CSMD3: variants seen among roughly 807,000 people sequenced by gnomAD.
CSMD3 encodes CUB and Sushi multiple domains 3.
CSMD3 carries 177 observed loss-of-function variants against 435.2 expected under a neutral mutation model. That is an observed-to-expected ratio of 0.41 (90% CI 0.36 to 0.46). CSMD3 has a LOEUF of 0.46. CSMD3 is among the 20% of genes least tolerant of loss of function. The probability of loss-of-function intolerance (pLI) is 0.34; values close to 1 mark genes in which losing one functional copy is unlikely to be tolerated. For synonymous variants in CSMD3, 1,656 were observed against 1,520.5 expected (o/e 1.09, Z -2.07); for missense variants, 4,265 against 4,504.6 (o/e 0.95, Z 1.52).
intron 18 of CSMD3, 42 bp downstream of exon 18, chr8:112,656,112 G>T (rs2075251255): frequency 9.5e-7 from 1 of 1,057,644 alleles, no homozygotes. Context: ...AAAAAGTAGG[G>T]CAAACAGAAT....
chr8:112,400,799 C>A (rs2129915584), intron 35 of CSMD3, among the ~76,000 whole-genome samples: 1 of 152,202 alleles, frequency 6.6e-6, no homozygotes, highest in East Asian at 1.9e-4. Flanking sequence ...TTTTTGATGG[C>A]TAAAATGCTG....
intron 38 of CSMD3, among the ~76,000 whole-genome samples, chr8:112,353,979 T>C (rs1044975848): frequency 6.6e-6 from 1 of 152,138 alleles, no homozygotes; most frequent in Non-Finnish European, 1.5e-5. Context: ...TCCAGTAGCA[T>C]ATCAAAAAGT....
chr8:112,827,561 A>C (rs1009972030), intron 12 of CSMD3, among the ~76,000 whole-genome samples: 1 of 152,160 alleles, frequency 6.6e-6, no homozygotes, highest in East Asian at 1.9e-4. Context: ...ATGTGATAGG[A>C]TCTAACAAAC....
intron 45 of CSMD3, among the ~76,000 whole-genome samples, chr8:112,325,258 T>C (rs1045241472): frequency 5.9e-5 from 9 of 152,160 alleles, no homozygotes; most frequent in Admixed American, 3.3e-4. Context: ...GGTTGAGAGC[T>C]TAACATTTGA....
chr8:113,261,262 G>C (rs1012924114), intron 3 of CSMD3, among the ~76,000 whole-genome samples: 1 of 152,086 alleles, frequency 6.6e-6, no homozygotes, highest in South Asian at 2.1e-4. Context: ...TTTGGTTCCA[G>C]GTATCATCTC....
chr8:112,673,721 C>A (rs551885642), intron 16 of CSMD3, among the ~76,000 whole-genome samples: 1 of 152,040 alleles, frequency 6.6e-6, no homozygotes, highest in Non-Finnish European at 1.5e-5. Context: ...AGGGAAAGTT[C>A]ATCAGGCATG....
rs551959919 is a variant in CSMD3, at chr8:112,235,783, G to A, written c.10628-1306C>T. 3.4e-4 allele frequency among the ~76,000 whole-genome samples: 52 copies of A among 152,228 alleles called. 2 individuals are homozygous for A. The South Asian group carries it at 0.011, about 32-fold the overall frequency. On this transcript the variant is annotated intron_variant, in intron 67 of 70. Coordinates refer to ENST00000297405, the MANE Select transcript of CSMD3 (RefSeq NM_198123.2). ...TAATCAATAGGAGGAAGATATAAAA[G>A]TAATCGATAATATTGCTGAAAAATT...
chr8:112,460,187 T>A (rs1370508820), intron 32 of CSMD3, among the ~76,000 whole-genome samples: 2 of 152,116 alleles, frequency 1.3e-5, no homozygotes, highest in East Asian at 1.9e-4. Flanking sequence ...ATTGTTTACA[T>A]AACCTGAACA....
intron 41 of CSMD3, among the ~76,000 whole-genome samples, chr8:112,345,325 A>G (rs1304971038): frequency 2.0e-5 from 3 of 152,216 alleles, no homozygotes; most frequent in Non-Finnish European, 4.4e-5. Context: ...TGGACAAGAT[A>G]CGGAATCAAC....
Position 112,892,831 on chromosome 8 carries a change from G to T in CSMD3, c.1633+28796C>A, listed in dbSNP as rs2130346537. Among the ~76,000 whole-genome samples, 3 of 151,350 alleles carry T rather than the reference G, an allele frequency of 2.0e-5. 1 individual carries two copies. The South Asian group carries it at 6.2e-4, about 31-fold the overall frequency. The stretch of plus-strand genomic sequence containing the variant: ...TTTCTCTATTCCTAGTTCAGTATTT[G>T]TTTATTTTGTGTTGCCTACCTTAGA... On this transcript the variant is annotated intron_variant, in intron 10 of 70. Coordinates refer to ENST00000297405, the MANE Select transcript of CSMD3 (RefSeq NM_198123.2).
At chr8:112,685,879 A>G (rs2075999798) in intron 14 of CSMD3, 147 bp from the exon 15 acceptor site, 4 of 639,434 alleles carry the variant, frequency 6.3e-6, no homozygotes, top group Non-Finnish European at 1.1e-5. Flanking sequence ...CAAAACGGTT[A>G]CCATTTTTAC....
chr8:112,523,870 A>G, intron 27 of CSMD3, among the ~76,000 whole-genome samples: 1 of 152,116 alleles, frequency 6.6e-6, no homozygotes, highest in Non-Finnish European at 1.5e-5. Flanking sequence ...TGATATGGCA[A>G]GTCAGGTTAA....
At chr8:113,379,923 C>CTCTGCAAG (rs1368886155) in intron 1 of CSMD3, among the ~76,000 whole-genome samples, 2 of 152,162 alleles carry the variant, frequency 1.3e-5, no homozygotes, top group Non-Finnish European at 2.9e-5. Context: ...TATCTTACAG[C>CTCTGCAAG]TCTGCAAGTT....
chr8:112,967,976 A>G (rs2084487279), intron 7 of CSMD3, among the ~76,000 whole-genome samples: 1 of 151,930 alleles, frequency 6.6e-6, no homozygotes. Flanking sequence ...TAGTGAAGAG[A>G]GTAAGAATAG....
chr8:112,557,062 T>C (rs1229314841), intron 24 of CSMD3, 108 bp from the exon 25 acceptor site: 1 of 714,362 alleles, frequency 1.4e-6, no homozygotes, highest in African/African-American at 1.8e-5. Flanking sequence ...TACTTATTCT[T>C]AGTCATATTG....
At chr8:112,580,347 T>A (rs925374480) in intron 23 of CSMD3, among the ~76,000 whole-genome samples, 5 of 151,926 alleles carry the variant, frequency 3.3e-5, no homozygotes, top group African/African-American at 1.2e-4. Context: ...AGAGAAACAT[T>A]CCCTAGATGA....
intron 22 of CSMD3, among the ~76,000 whole-genome samples, chr8:112,614,261 C>T (rs1320733059): frequency 1.3e-5 from 2 of 152,084 alleles, no homozygotes. Context: ...AGCAAACTCA[C>T]CACTCCATTT....
At chr8:112,494,407 TTTC>T (rs996523507) in intron 30 of CSMD3, among the ~76,000 whole-genome samples, 1 of 151,820 alleles carries the variant, frequency 6.6e-6, no homozygotes, top group East Asian at 1.9e-4. Context: ...TTTCTTTTCT[TTTC>T]TTTTCTTTCT....
intron 12 of CSMD3, among the ~76,000 whole-genome samples, chr8:112,819,265 A>C (rs1185375979): frequency 6.6e-6 from 1 of 152,010 alleles, no homozygotes; most frequent in Non-Finnish European, 1.5e-5. Flanking sequence ...GTGAGTGGAC[A>C]CTTTGAACAT....
Sources: allele counts gnomAD v4.1 joint callset (sites outside exome capture counted in the v4.1 genomes callset), GRCh38; gene constraint gnomAD v4.1.1; transcripts MANE v1.5; gene names NCBI Gene and HGNC (gene_info 2026-07-23, HGNC 2026-07-21).